ZNF618: variants seen among roughly 807,000 people sequenced by gnomAD.
ZNF618 encodes the protein neural precursor cell expressed, developmentally down-regulated 10.
Under a neutral mutation model 103.0 loss-of-function variants are expected in ZNF618, and 34 were observed. The ratio of observed to expected loss-of-function variants is 0.33; its 90% CI spans 0.25 to 0.44. ZNF618 has a LOEUF of 0.44. Among genes scored for constraint, ZNF618 ranks in the 20% least tolerant of loss-of-function variants. The pLI, the probability that ZNF618 is intolerant of heterozygous loss-of-function variation, is 1.00. For synonymous variants in ZNF618, 551 were observed against 542.2 expected (o/e 1.02, Z -0.23); for missense variants, 1,059 against 1,295.4 (o/e 0.82, Z 2.80).
chr9:113,954,134 C>A (rs1836029092), intron 1 of ZNF618, among the ~76,000 whole-genome samples: 1 of 152,100 alleles, frequency 6.6e-6, no homozygotes, highest in Non-Finnish European at 1.5e-5. Flanking sequence ...TACTGTTCAG[C>A]AAAGAGCAAA....
At chr9:114,017,262 G>GGAACCCTGAGCTGGGAGTC (rs1564303504) in intron 10 of ZNF618, among the ~76,000 whole-genome samples, 2 of 152,174 alleles carry the variant, frequency 1.3e-5, no homozygotes, top group East Asian at 3.9e-4. Flanking sequence ...GGAGGTGGCA[G>GGAACCCTGAGCTGGGAGTC]GAACCCTGAG....
chr9:114,012,219 G>T (rs7042021), intron 9 of ZNF618, among the ~76,000 whole-genome samples: 47,474 of 152,104 alleles, frequency 0.31, 8,535 homozygotes, highest in East Asian at 0.66. Flanking sequence ...TATTACAGAC[G>T]GGGTGGTCTG....
At chr9:114,048,058 C>A in intron 14 of ZNF618, 64 bp downstream of exon 14, 1 of 1,350,242 alleles carries the variant, frequency 7.4e-7, no homozygotes, top group African/African-American at 1.5e-5. Context: ...TCCTCTCTGC[C>A]CCCCATTCCC....
intron 6 of ZNF618, among the ~76,000 whole-genome samples, chr9:114,003,919 G>T (rs1841489733): frequency 6.6e-6 from 1 of 152,164 alleles, no homozygotes; most frequent in Admixed American, 6.5e-5. Flanking sequence ...GTGGGAACAT[G>T]CCAGGAACAG....
At chr9:113,891,210 A>G (rs1446194213) in intron 1 of ZNF618, among the ~76,000 whole-genome samples, 1 of 152,242 alleles carries the variant, frequency 6.6e-6, no homozygotes, top group East Asian at 1.9e-4. Flanking sequence ...TGAAAAGGCA[A>G]CCTACAGAAT....
chr9:113,953,437 G>T (rs1835956328), intron 1 of ZNF618, among the ~76,000 whole-genome samples: 4 of 152,230 alleles, frequency 2.6e-5, no homozygotes, highest in Admixed American at 1.3e-4. Flanking sequence ...AAGCAGGAAA[G>T]AGGAAAGTAT....
chr9:113,919,502 GGCTGGCGGGCTTGCCATCCGT>G (rs1212777041), intron 1 of ZNF618, among the ~76,000 whole-genome samples: 2 of 152,392 alleles, frequency 1.3e-5, no homozygotes, highest in East Asian at 3.8e-4. Context: ...GAGGAAAACT[GGCTGGCGGGCTTGCCATCCGT>G]GCTGGCAGGC....
intron 9 of ZNF618, among the ~76,000 whole-genome samples, chr9:114,012,371 A>C (rs922866597): frequency 6.6e-6 from 1 of 151,320 alleles, no homozygotes; most frequent in Non-Finnish European, 1.5e-5. Context: ...GAGAGAGAGC[A>C]AGCTTTCTGG....
intron 3 of ZNF618, 39 bp downstream of exon 3, chr9:113,988,619 G>T (rs764594528): frequency 8.9e-6 from 14 of 1,569,870 alleles, no homozygotes; most frequent in Non-Finnish European, 3.4e-6. Context: ...GGAGACCAGG[G>T]TGGGAACATG....
chr9:113,896,238 A>G (rs1243267922), intron 1 of ZNF618, among the ~76,000 whole-genome samples: 1 of 152,022 alleles, frequency 6.6e-6, no homozygotes, highest in Non-Finnish European at 1.5e-5. Flanking sequence ...ATTTTTAAAA[A>G]TTCTTGAGTG....
Position 114,055,388 on chromosome 9 carries a change from C to T in ZNF618, c.*5221C>T, listed in dbSNP as rs13287555. 0.17 allele frequency: 26,326 copies of T among 152,730 alleles called. 2,594 individuals carry two copies. The highest frequency in any genetic ancestry group is 0.26 in the African/African-American group (10,896 of 41,526). 9.5% of individuals were successfully genotyped at this position (152,730 alleles called of 1,614,324 possible). A position where few individuals can be genotyped will look rare whatever the true frequency, so the allele number is the denominator to read the frequency against. On this transcript the variant is annotated 3_prime_UTR_variant, in exon 15 of 15. Transcript: ENST00000374126. ...CACGGCAGGGCTGGCCCAGGCAGCT[C>T]GTCCAGGGCCATTCAGATCCCAAGC... is the stretch of plus-strand genomic sequence containing the variant.
At chr9:114,023,509 T>C (rs371114215) in intron 10 of ZNF618, among the ~76,000 whole-genome samples, 77 of 152,290 alleles carry the variant, frequency 5.1e-4, no homozygotes, top group South Asian at 1.0e-3. Context: ...TTTGTTAAAG[T>C]AACTGAGAAA....
intron 2 of ZNF618, among the ~76,000 whole-genome samples, chr9:113,975,977 T>C (rs903563764): frequency 3.3e-5 from 5 of 152,204 alleles, no homozygotes; most frequent in Non-Finnish European, 7.3e-5. Flanking sequence ...TGGGGGCCCA[T>C]GTACTTACTC....
intron 2 of ZNF618, among the ~76,000 whole-genome samples, chr9:113,982,783 T>C (rs2133165937): frequency 6.6e-6 from 1 of 152,298 alleles, no homozygotes; most frequent in East Asian, 1.9e-4. Context: ...GCCATTGCTA[T>C]GGAACCCCTA....
chr9:113,958,925 T>C (rs1588152727), intron 1 of ZNF618, among the ~76,000 whole-genome samples: 2 of 152,192 alleles, frequency 1.3e-5, no homozygotes, highest in African/African-American at 4.8e-5. Context: ...TGATGGCAGG[T>C]GAAGGATATA....
rs369486118 is a variant in ZNF618 at position 114,049,987 on chromosome 9, C to T, written c.2685C>T (p.Cys895=). Residue 895 remains cysteine, a synonymous_variant, in exon 15 of 15, where the codon TGC becomes TGT. Transcript: ENST00000374126. ...CTGATCTCTTCCAGTACTGGTCGTG[C>T]GTTACCCAAAAGCACACAAAACTCG... ...ATPDLFQYWS[C]VTQKHTKLAK... The T allele has an allele frequency of 1.7e-4, 270 of 1,613,970 alleles. No individual in the cohort carries two copies. Among genetic ancestry groups the T allele is most frequent in the Middle Eastern group, 9.9e-4 (6 of 6,062 alleles).
intron 3 of ZNF618, among the ~76,000 whole-genome samples, chr9:113,997,315 C>T (rs1311551336): frequency 6.6e-6 from 1 of 152,038 alleles, no homozygotes; most frequent in Non-Finnish European, 1.5e-5. Flanking sequence ...TGCTGTGTTG[C>T]CCAGGCTGGT....
intron 9 of ZNF618, among the ~76,000 whole-genome samples, chr9:114,011,934 G>A (rs767091734): frequency 3.3e-5 from 5 of 151,882 alleles, no homozygotes; most frequent in Non-Finnish European, 7.4e-5. Flanking sequence ...AAACTCATTT[G>A]TGTGGTCTGT....
chr9:114,000,254 A>G (rs4979316), intron 4 of ZNF618, among the ~76,000 whole-genome samples: 88,350 of 151,934 alleles, frequency 0.58, 27,589 homozygotes, highest in Non-Finnish European at 0.69. Flanking sequence ...TCGTTGATAC[A>G]GACCTCAGTC....
Sources: allele counts gnomAD v4.1 joint callset (sites outside exome capture counted in the v4.1 genomes callset), GRCh38; gene constraint gnomAD v4.1.1; transcripts MANE v1.5; gene names NCBI Gene and HGNC (gene_info 2026-07-23, HGNC 2026-07-21).